Variants in SPRED2 observed in about 807,000 individuals in gnomAD.
SPRED2 encodes the protein sprouty related EVH1 domain containing 2.
A neutral mutation model predicts 43.0 loss-of-function variants in SPRED2; 47 were observed. The ratio of observed to expected loss-of-function variants is 1.09; its 90% confidence interval spans 0.87 to 1.40. The LOEUF (loss-of-function observed/expected upper bound fraction) is 1.40, where lower values mean the gene tolerates loss of function less well. Among genes scored for constraint, SPRED2 ranks in the 40% most tolerant of loss-of-function variants. The pLI is 0.00. For missense variants in SPRED2, 561 were observed against 586.4 expected (o/e 0.96, Z 0.45); for synonymous variants, 225 against 225.7 (o/e 1.00, Z 0.03).
chr2:65,313,324 G>A lies in SPRED2; in HGVS notation c.*177C>T. The A allele has an allele frequency of 6.9e-7, 1 of 1,449,180 alleles. No individual in the cohort carries two copies. The highest frequency in any genetic ancestry group is 9.0e-7 in the Non-Finnish European group (1 of 1,109,060). 89.8% of individuals were successfully genotyped at this position (1,449,180 alleles called of 1,614,324 possible). A position where few individuals can be genotyped will look rare whatever the true frequency, so the allele number is the denominator to read the frequency against. ...CTGCAGTGTGGGCGGCAGGGGGAGT[G>A]GAGAGTCTACCCGGCAGCGTCCCTG... On this transcript the variant is annotated 3_prime_UTR_variant, in exon 6 of 6. Coordinates refer to ENST00000356388, the MANE Select transcript of SPRED2 (RefSeq NM_181784.3).
At chr2:65,359,519 C>T (rs568433207) in intron 1 of SPRED2, among the ~76,000 whole-genome samples, 6 of 152,232 alleles carry the variant, frequency 3.9e-5, no homozygotes, top group African/African-American at 1.4e-4. Context: ...ATGATTTTCA[C>T]AGATAACTGA....
At chr2:65,399,044 C>G (rs12052827) in intron 1 of SPRED2, among the ~76,000 whole-genome samples, 40,880 of 151,914 alleles carry the variant, frequency 0.27, 6,872 homozygotes, top group East Asian at 0.69. Context: ...TTTGTGAGGC[C>G]AAGGTGGGCG....
Position 65,432,014 on chromosome 2 carries a change from C to A in SPRED2, c.-27G>T. Reference sequence around the variant, plus strand: ...TTCTTGTTCACCTAGACGCCTGTCCCGCGGCGGGCAGCTTTGCTCCCTTCA... The same window carrying A: ...TTCTTGTTCACCTAGACGCCTGTCCAGCGGCGGGCAGCTTTGCTCCCTTCA... On this transcript the variant is annotated 5_prime_UTR_variant, in exon 1 of 6. Coordinates refer to ENST00000356388, the MANE Select transcript of SPRED2 (RefSeq NM_181784.3). 2 of 1,613,798 alleles carry A rather than the reference C, an allele frequency of 1.2e-6. No individual in the cohort carries two copies. The highest frequency in any genetic ancestry group is 1.7e-6 in the Non-Finnish European group (2 of 1,179,958).
chr2:65,385,943 G>C (rs1675486053), intron 1 of SPRED2, among the ~76,000 whole-genome samples: 1 of 152,160 alleles, frequency 6.6e-6, no homozygotes, highest in Non-Finnish European at 1.5e-5. Context: ...AACTGATCAT[G>C]CCCATGGGAG....
intron 1 of SPRED2, among the ~76,000 whole-genome samples, chr2:65,387,878 C>T (rs1212761375): frequency 1.3e-5 from 2 of 151,778 alleles, no homozygotes; most frequent in East Asian, 1.9e-4. Flanking sequence ...CTGCATTCTC[C>T]GCCTCCCACA....
At position 65,317,513 on chromosome 2, in the gene SPRED2, A is replaced by AAACAAC. The variant is rs200353741; in HGVS notation, c.439-636_439-631dup. 2.2e-3 allele frequency among the ~76,000 whole-genome samples: 326 copies of AAACAAC among 147,360 alleles called. 4 individuals are homozygous for AAACAAC. Among genetic ancestry groups the AAACAAC allele is most frequent in the African/African-American group, 7.6e-3 (302 of 39,488 alleles). On this transcript the variant is annotated intron_variant, in intron 4 of 5. Transcript: ENST00000356388. ...GGGTGACAGAGCAAGACTCCATCTC[A>AAACAAC]AACAACAACAACAACAACAACAACA...
chr2:65,308,288 C>T (rs1009977093), downstream of SPRED2: 63 of 985,218 alleles, frequency 6.4e-5, no homozygotes, highest in Non-Finnish European at 7.4e-5. Flanking sequence ...GCCCTCTCGG[C>T]AAAACCGCTC....
At chr2:65,338,690 C>T (rs1348578497) in intron 2 of SPRED2, among the ~76,000 whole-genome samples, 26 of 151,784 alleles carry the variant, frequency 1.7e-4, no homozygotes, top group Non-Finnish European at 3.1e-4. Context: ...CCCCAAAGTG[C>T]GGAGATTGCA....
intron 1 of SPRED2, among the ~76,000 whole-genome samples, chr2:65,419,577 T>TTG (rs10541896): frequency 0.024 from 3,596 of 148,934 alleles, 43 homozygotes; most frequent in East Asian, 0.075. Flanking sequence ...GGGATTATAG[T>TTG]TGTGTGTGTG....
chr2:65,317,014 C>A (rs1299060540), intron 4 of SPRED2, 131 bp from the exon 5 acceptor site: 40 of 964,826 alleles, frequency 4.1e-5, no homozygotes, highest in Non-Finnish European at 6.0e-5. Context: ...TTCCCAAAAT[C>A]TTGAGTTTGT....
intron 4 of SPRED2, among the ~76,000 whole-genome samples, chr2:65,325,495 T>C (rs1474023685): frequency 6.6e-6 from 1 of 152,180 alleles, no homozygotes; most frequent in African/African-American, 2.4e-5. Context: ...GGGGCCTCAG[T>C]TTTCTCATGT....
At chr2:65,323,942 CAG>C (rs1366203086) in intron 4 of SPRED2, among the ~76,000 whole-genome samples, 1 of 151,664 alleles carries the variant, frequency 6.6e-6, no homozygotes, top group African/African-American at 2.4e-5. Flanking sequence ...GATGTGGGCT[CAG>C]ACACAGAAAG....
At chr2:65,418,342 G>A (rs910441573) in intron 1 of SPRED2, among the ~76,000 whole-genome samples, 2 of 152,112 alleles carry the variant, frequency 1.3e-5, no homozygotes, top group African/African-American at 4.8e-5. Flanking sequence ...AGCTCCCCCA[G>A]CATAAACTCA....
chr2:65,368,453 C>G (rs1462782669), intron 1 of SPRED2, among the ~76,000 whole-genome samples: 1 of 152,136 alleles, frequency 6.6e-6, no homozygotes, highest in Admixed American at 6.5e-5. Context: ...CTTAATGCAG[C>G]AGGTAGAAAT....
intron 1 of SPRED2, among the ~76,000 whole-genome samples, chr2:65,418,698 T>G (rs1177522938): frequency 1.3e-5 from 2 of 151,868 alleles, no homozygotes; most frequent in African/African-American, 4.8e-5. Flanking sequence ...GGACTACACA[T>G]GCACGCCACC....
At chr2:65,326,045 G>A (rs1433531833) in intron 4 of SPRED2, among the ~76,000 whole-genome samples, 1 of 151,936 alleles carries the variant, frequency 6.6e-6, no homozygotes, top group East Asian at 1.9e-4. Context: ...CTTGTCTGCA[G>A]ATGCTGCTGC....
chr2:65,420,836 C>T (rs919890165), intron 1 of SPRED2, among the ~76,000 whole-genome samples: 1 of 152,190 alleles, frequency 6.6e-6, no homozygotes, highest in Non-Finnish European at 1.5e-5. Context: ...AAAAGGACCA[C>T]AATACAATCA....
At chr2:65,390,215 G>T (rs1387145747) in intron 1 of SPRED2, among the ~76,000 whole-genome samples, 7 of 152,214 alleles carry the variant, frequency 4.6e-5, no homozygotes, top group Non-Finnish European at 8.8e-5. Flanking sequence ...AGTGTTTCCA[G>T]AAATAACCAA....
chr2:65,364,088 G>C (rs1464375081), intron 1 of SPRED2, among the ~76,000 whole-genome samples: 1 of 152,200 alleles, frequency 6.6e-6, no homozygotes, highest in African/African-American at 2.4e-5. Flanking sequence ...GAGTAGAGCA[G>C]TTCTTTCTTG....
Sources: gnomAD v4.1 joint callset for allele counts (sites outside exome capture counted in the v4.1 genomes callset) on GRCh38, gnomAD v4.1.1 for gene constraint, MANE v1.5 for transcripts, NCBI Gene and HGNC (gene_info 2026-07-23, HGNC 2026-07-21) for gene names.